CAMTA1: variants seen among roughly 807,000 people sequenced by gnomAD.
The protein encoded by CAMTA1 is calmodulin-binding transcription activator 1.
In CAMTA1, 27 loss-of-function variants were observed where a neutral mutation model predicts 170.9. The observed-to-expected ratio is 0.16, with a 90% CI of 0.12 to 0.22. The LOEUF (loss-of-function observed/expected upper bound fraction) is 0.22. CAMTA1 is among the 10% of genes least tolerant of loss of function. The probability of loss-of-function intolerance (pLI) is 1.00; values close to 1 mark genes in which losing one functional copy is unlikely to be tolerated. For synonymous variants in CAMTA1, 833 were observed against 891.5 expected (o/e 0.93, Z 1.17); for missense variants, 1,619 against 2,217.2 (o/e 0.73, Z 5.42).
At chr1:7,758,717 C>A (rs1339431261) in intron 22 of CAMTA1, among the ~76,000 whole-genome samples, 1 of 151,952 alleles carries the variant, frequency 6.6e-6, no homozygotes, top group African/African-American at 2.4e-5. Flanking sequence ...GGGCGGATCA[C>A]GAGGTCAGGA....
intron 6 of CAMTA1, 67 bp from the exon 7 acceptor site, chr1:7,640,333 G>T: frequency 6.3e-7 from 1 of 1,576,082 alleles, no homozygotes; most frequent in Non-Finnish European, 8.7e-7. Flanking sequence ...CTGCGGGGTT[G>T]GGGGCGGCCC....
At chr1:7,722,381 G>A (rs2096655155) in intron 11 of CAMTA1, among the ~76,000 whole-genome samples, 1 of 152,202 alleles carries the variant, frequency 6.6e-6, no homozygotes, top group Admixed American at 6.5e-5. Flanking sequence ...ACACTTCGTG[G>A]AACAGCTGTG....
chr1:7,688,234 A>G (rs2149377041), intron 11 of CAMTA1, among the ~76,000 whole-genome samples: 1 of 151,848 alleles, frequency 6.6e-6, no homozygotes, highest in Non-Finnish European at 1.5e-5. Flanking sequence ...CGAACTCCTG[A>G]CCTTAAGTGA....
At chr1:6,938,183 CTG>C (rs1685780745) in intron 3 of CAMTA1, among the ~76,000 whole-genome samples, 1 of 152,214 alleles carries the variant, frequency 6.6e-6, no homozygotes, top group Non-Finnish European at 1.5e-5. Flanking sequence ...GACGTCAACT[CTG>C]TACTTTTGTC....
chr1:7,248,273 T>C lies in CAMTA1; in HGVS notation c.303-1218T>C, dbSNP rs1666133596. On this transcript the variant is annotated intron_variant, in intron 4 of 22. Transcript: ENST00000303635. The surrounding 1 kb of genome is among the most constrained non-coding windows in gnomAD (Gnocchi z 4.0). ...GCGCTGGAGGGTCTTGCCCCAGCCC[T>C]GCGGGGGACAGATGGCTGACTTATG... 6.6e-6 allele frequency among the ~76,000 whole-genome samples: 1 copy of C among 152,170 alleles called. No individual in the cohort carries two copies. The highest frequency in any genetic ancestry group is 1.5e-5 in the Non-Finnish European group (1 of 68,026).
chr1:7,402,636 T>G (rs2089989828), intron 5 of CAMTA1, among the ~76,000 whole-genome samples: 1 of 152,172 alleles, frequency 6.6e-6, no homozygotes, highest in South Asian at 2.1e-4. Context: ...TTCCCCTCCT[T>G]TCTTTGTGGT....
intron 7 of CAMTA1, 48 bp downstream of exon 7, chr1:7,640,601 G>T: frequency 1.9e-6 from 3 of 1,611,896 alleles, no homozygotes; most frequent in South Asian, 2.2e-5. Flanking sequence ...GAACCAGGCT[G>T]GCATCAACCA....
chr1:6,838,661 A>G (rs1325282088), intron 3 of CAMTA1, among the ~76,000 whole-genome samples: 1 of 152,166 alleles, frequency 6.6e-6, no homozygotes, highest in Non-Finnish European at 1.5e-5. Flanking sequence ...TTAACCCAGA[A>G]TAGGTTTACT....
intron 7 of CAMTA1, among the ~76,000 whole-genome samples, chr1:7,652,828 G>C (rs141660779): frequency 7.7e-4 from 117 of 152,226 alleles, no homozygotes; most frequent in African/African-American, 2.6e-3. Flanking sequence ...TGGCAGAGCT[G>C]AAAGCCAGGC....
chr1:7,597,019 C>A (rs975292971), intron 6 of CAMTA1, among the ~76,000 whole-genome samples: 1 of 152,180 alleles, frequency 6.6e-6, no homozygotes, highest in African/African-American at 2.4e-5. Flanking sequence ...CCCCTTGTGG[C>A]CCCAGGCCTT....
chr1:7,494,198 G>GAAA (rs111487488), intron 6 of CAMTA1, among the ~76,000 whole-genome samples: 5 of 151,110 alleles, frequency 3.3e-5, no homozygotes, highest in African/African-American at 9.8e-5. Context: ...GTTCAGAGGG[G>GAAA]GAAAAATCTG....
intron 4 of CAMTA1, among the ~76,000 whole-genome samples, chr1:7,209,073 G>GT (rs1299127137): frequency 6.6e-6 from 1 of 150,728 alleles, no homozygotes; most frequent in Non-Finnish European, 1.5e-5. Flanking sequence ...TGTGATTGTT[G>GT]TTTGAATACT....
At chr1:6,831,398 A>G (rs1650090444) in intron 3 of CAMTA1, among the ~76,000 whole-genome samples, 1 of 152,250 alleles carries the variant, frequency 6.6e-6, no homozygotes, top group African/African-American at 2.4e-5. Flanking sequence ...AGAAATAATT[A>G]TGCTAACACA....
Position 7,730,365 on chromosome 1 carries a change from C to T in CAMTA1, c.2915-2083C>T, listed in dbSNP as rs528623511. The stretch of plus-strand genomic sequence containing the variant: ...GGTCTTCTGCTCCCTGAAAGCCCTG[C>T]CTCAGGGCCTTCGCATGTGCTATTA... On this transcript the variant is annotated intron_variant, in intron 11 of 22. Coordinates refer to ENST00000303635, the MANE Select transcript of CAMTA1 (RefSeq NM_015215.4). Among the ~76,000 whole-genome samples, 5 of 152,324 alleles carry T rather than the reference C, an allele frequency of 3.3e-5. No homozygotes were observed. In the South Asian group the frequency reaches 1.0e-3, roughly 32 times the overall value.
chr1:6,969,442 T>G (rs1388820009), intron 3 of CAMTA1, among the ~76,000 whole-genome samples: 1 of 152,146 alleles, frequency 6.6e-6, no homozygotes, highest in Non-Finnish European at 1.5e-5. Context: ...CCGCTTGCCC[T>G]GGAACCTGGT....
intron 6 of CAMTA1, among the ~76,000 whole-genome samples, chr1:7,506,817 A>G (rs995231147): frequency 5.9e-5 from 9 of 151,714 alleles, no homozygotes; most frequent in African/African-American, 2.2e-4. Context: ...ACATGCTCAC[A>G]CAGAACTACA....
chr1:7,766,334 C>G lies in CAMTA1; in HGVS notation c.4990-125C>G, dbSNP rs72632049. On this transcript the variant is annotated intron_variant, in intron 22 of 22. Transcript: ENST00000303635. ...ATTTCACAGGAGTTTCTTTTGCCGT[C>G]AATCCTCAAAACGGTTTTAGTCTTG... 882 of 745,684 alleles carry G rather than the reference C, an allele frequency of 1.2e-3. 3 individuals carry two copies. The highest frequency in any genetic ancestry group is 1.7e-3 in the Non-Finnish European group (797 of 457,276). 46.2% of individuals were successfully genotyped at this position (745,684 alleles called of 1,614,324 possible). A position where few individuals can be genotyped will look rare whatever the true frequency, so the allele number is the denominator to read the frequency against.
At chr1:7,245,971 C>T (rs748741753) in intron 4 of CAMTA1, among the ~76,000 whole-genome samples, 60 of 152,312 alleles carry the variant, frequency 3.9e-4, no homozygotes, top group Middle Eastern at 6.8e-3. Flanking sequence ...GCACTCAGAG[C>T]GACCCCCTCC....
intron 6 of CAMTA1, among the ~76,000 whole-genome samples, chr1:7,520,225 C>T (rs2094344558): frequency 2.6e-5 from 1 of 38,080 alleles, no homozygotes; most frequent in South Asian, 1.3e-3. Context: ...TCCTCCTCCT[C>T]CTCCCTCCTC....
Sources: allele counts gnomAD v4.1 joint callset (sites outside exome capture counted in the v4.1 genomes callset), GRCh38; gene constraint gnomAD v4.1.1; non-coding constraint Gnocchi (gnomAD v3.1); transcripts MANE v1.5; gene names NCBI Gene and HGNC (gene_info 2026-07-23, HGNC 2026-07-21).